Variants in ARHGAP6 observed in about 807,000 individuals in gnomAD.
ARHGAP6 encodes rho GTPase-activating protein 6.
ARHGAP6 carries 16 observed loss-of-function variants against 55.7 expected under a neutral mutation model. The ratio of observed to expected loss-of-function variants is 0.29; its 90% CI spans 0.19 to 0.44. ARHGAP6 has a LOEUF of 0.44. Ranked by LOEUF, ARHGAP6 falls within the 20% of genes least tolerant of loss-of-function variation. ARHGAP6 has a pLI of 1.00. For missense variants in ARHGAP6, 698 were observed against 808.9 expected, an observed-to-expected ratio of 0.86 and a Z score of 1.66; for synonymous variants, 382 against 360.9, an observed-to-expected ratio of 1.06 and a Z score of -0.66.
At chrX:11,484,480 A>C (rs1184849056) in intron 1 of ARHGAP6, among the ~76,000 whole-genome samples, 1 of 107,310 alleles carries the variant, frequency 9.3e-6, no homozygotes, top group Admixed American at 1.0e-4. Flanking sequence ...AGGAAGAAAA[A>C]TGAGAGCAGA....
chrX:11,330,226 A>G (rs1456830766), intron 1 of ARHGAP6, among the ~76,000 whole-genome samples: 4 of 112,826 alleles, frequency 3.5e-5, no homozygotes, highest in African/African-American at 1.3e-4. Context: ...TTTTTTTGAG[A>G]TCTGCTGCAC....
chrX:11,619,281 G>T (rs145976332), intron 1 of ARHGAP6, among the ~76,000 whole-genome samples: 16 of 112,089 alleles, frequency 1.4e-4, no homozygotes, highest in African/African-American at 5.2e-4. Flanking sequence ...AAGATATTGT[G>T]CAGCTTTAAG....
At chrX:11,321,199 T>G (rs1487299279) in intron 1 of ARHGAP6, among the ~76,000 whole-genome samples, 1 of 112,246 alleles carries the variant, frequency 8.9e-6, no homozygotes, top group African/African-American at 3.2e-5. Context: ...TATTTATTAC[T>G]TTTTGTAAAT....
rs1415006673 is a variant in ARHGAP6, at chrX:11,156,588, C to T, written c.1848G>A (p.Leu616=). 5.8e-6 allele frequency: 7 copies of T among 1,211,452 alleles called. No homozygotes were observed. Among genetic ancestry groups the T allele is most frequent in the Non-Finnish European group, 7.8e-6 (7 of 895,226 alleles). Residue 616 remains leucine, a synonymous_variant, in exon 10 of 13, where the codon CTG becomes CTA. Coordinates refer to ENST00000337414, the MANE Select transcript of ARHGAP6 (RefSeq NM_013427.3). Reference sequence around the variant, plus strand: ...CCACGACATCAGGATCGGTCTCTAACAGGCTGATCAGCACTTCGTTCTGGA... The same window carrying T: ...CCACGACATCAGGATCGGTCTCTAATAGGCTGATCAGCACTTCGTTCTGGA... ...PDLQNEVLIS[L]LETDPDVVDY... is the part of the protein sequence containing the mutation.
At chrX:11,545,825 G>A (rs2051206636) in intron 1 of ARHGAP6, among the ~76,000 whole-genome samples, 1 of 111,457 alleles carries the variant, frequency 9.0e-6, no homozygotes, top group African/African-American at 3.3e-5. Context: ...CACATTAACA[G>A]CATGCTTTCT....
intron 1 of ARHGAP6, among the ~76,000 whole-genome samples, chrX:11,322,696 T>C (rs2048449193): frequency 8.9e-6 from 1 of 112,454 alleles, no homozygotes; most frequent in Admixed American, 9.4e-5. Context: ...CAATGTTATA[T>C]TCATACAGAA....
chrX:11,168,071 A>ATAAGT (rs1279655408), intron 9 of ARHGAP6, among the ~76,000 whole-genome samples: 12 of 111,666 alleles, frequency 1.1e-4, no homozygotes, highest in African/African-American at 2.9e-4. Context: ...TGGCTTGTGC[A>ATAAGT]TAAGTTCTGG....
intron 1 of ARHGAP6, among the ~76,000 whole-genome samples, chrX:11,605,802 C>CT (rs978912970): frequency 4.6e-5 from 5 of 109,564 alleles, no homozygotes; most frequent in African/African-American, 1.3e-4. Context: ...AAGATGGAGT[C>CT]TTTTTTTATT....
chrX:11,381,704 T>TA (rs2049265261), intron 1 of ARHGAP6, among the ~76,000 whole-genome samples: 1 of 112,154 alleles, frequency 8.9e-6, no homozygotes, highest in Non-Finnish European at 1.9e-5. Context: ...AGACGTGCGT[T>TA]ACAGAGGCTG....
chrX:11,179,622 G>C (rs534945164), intron 6 of ARHGAP6, among the ~76,000 whole-genome samples, 170 bp from the exon 7 acceptor site: 1 of 107,840 alleles, frequency 9.3e-6, no homozygotes, highest in South Asian at 4.0e-4. Context: ...ACACAGTCCA[G>C]CTATGAATAT....
At chrX:11,612,459 T>C (rs1310005586) in intron 1 of ARHGAP6, among the ~76,000 whole-genome samples, 1 of 111,795 alleles carries the variant, frequency 8.9e-6, no homozygotes. Context: ...ATTCACATGT[T>C]AAAACCCAGT....
chrX:11,548,701 C>T (rs111793987), intron 1 of ARHGAP6, among the ~76,000 whole-genome samples: 2,228 of 111,219 alleles, frequency 0.02, 31 homozygotes, highest in Middle Eastern at 0.06. Flanking sequence ...CTCTGCCTCC[C>T]GGGTTCAAGT....
intron 1 of ARHGAP6, among the ~76,000 whole-genome samples, chrX:11,662,677 G>A (rs1364504122): frequency 1.8e-5 from 2 of 112,475 alleles, no homozygotes; most frequent in African/African-American, 6.5e-5. Context: ...TAACAGTAAT[G>A]AGCAGCATCT....
intron 1 of ARHGAP6, among the ~76,000 whole-genome samples, chrX:11,505,716 G>A (rs761690901): frequency 1.8e-5 from 2 of 111,737 alleles, no homozygotes; most frequent in East Asian, 2.8e-4. Context: ...ATACTATGCA[G>A]ACACAAAAAG....
chrX:11,162,503 C>T (rs2045965028), intron 9 of ARHGAP6, among the ~76,000 whole-genome samples: 1 of 111,396 alleles, frequency 9.0e-6, no homozygotes, highest in African/African-American at 3.3e-5. Flanking sequence ...ACCTGCACTT[C>T]TATGACCCTC....
chrX:11,497,443 A>G (rs776891521), intron 1 of ARHGAP6, among the ~76,000 whole-genome samples: 5 of 110,660 alleles, frequency 4.5e-5, no homozygotes, highest in African/African-American at 1.3e-4. Flanking sequence ...TCTTTGGAAG[A>G]TAATTAGGTC....
intron 1 of ARHGAP6, among the ~76,000 whole-genome samples, chrX:11,379,088 T>G (rs748076281): frequency 1.8e-5 from 2 of 112,586 alleles, no homozygotes; most frequent in African/African-American, 6.5e-5. Flanking sequence ...TGCTCTAGGC[T>G]GGGCTTGGGT....
chrX:11,339,026 T>C (rs187575899), intron 1 of ARHGAP6, among the ~76,000 whole-genome samples: 87 of 112,135 alleles, frequency 7.8e-4, no homozygotes, highest in African/African-American at 2.5e-3. Context: ...TCTGAAGATG[T>C]GTCTGGAATT....
intron 1 of ARHGAP6, among the ~76,000 whole-genome samples, chrX:11,429,733 A>G (rs958474347): frequency 2.5e-4 from 28 of 111,431 alleles, no homozygotes; most frequent in Non-Finnish European, 4.9e-4. Context: ...GTCCAGGCAG[A>G]GCTCGAAAAA....
Sources: gnomAD v4.1 joint callset for allele counts (sites outside exome capture counted in the v4.1 genomes callset) on GRCh38, gnomAD v4.1.1 for gene constraint, MANE v1.5 for transcripts, NCBI Gene and HGNC (gene_info 2026-07-23, HGNC 2026-07-21) for gene names.